The following TACC1 variants were observed in gnomAD, a reference collection of about 807,000 sequenced individuals.
TACC1 encodes the protein transforming acidic coiled-coil-containing protein 1.
Under a neutral mutation model 84.4 loss-of-function variants are expected in TACC1, and 48 were observed. That is an observed-to-expected ratio of 0.57 (90% CI 0.45 to 0.72). The LOEUF is 0.72. TACC1 is among the 30% of genes least tolerant of loss of function. TACC1 has a pLI of 0.00. For missense variants in TACC1, 920 were observed against 973.0 expected (o/e 0.95, Z 0.72); for synonymous variants, 372 against 376.3 (o/e 0.99, Z 0.13).
rs924425294 is a variant in TACC1, at chr8:38,831,348, C to T, written c.1713+171C>T. On this transcript the variant is annotated intron_variant, in intron 6 of 12. Transcript: ENST00000317827. Reference sequence around the variant, plus strand: ...ATAGTCTCTGCATTGTAACCCTAGCCGCAGGTAGCTGTGGAGCACTTGAAC... The same window carrying T: ...ATAGTCTCTGCATTGTAACCCTAGCTGCAGGTAGCTGTGGAGCACTTGAAC... 5.9e-5 allele frequency among the ~76,000 whole-genome samples: 9 copies of T among 152,126 alleles called. No homozygotes were observed. In the South Asian group the frequency reaches 6.2e-4, roughly 11 times the overall value.
chr8:38,745,805 A>G (rs2151709065), intron 3 of TACC1, among the ~76,000 whole-genome samples: 1 of 151,796 alleles, frequency 6.6e-6, no homozygotes, highest in South Asian at 2.1e-4. Flanking sequence ...CGGCCTCCCA[A>G]AGTGCTGGCA....
In TACC1 at chr8:38,841,492, G is replaced by T. The variant is rs531321417; in HGVS notation, c.1961-795G>T. On this transcript the variant is annotated intron_variant, in intron 9 of 12. Coordinates refer to ENST00000317827, the MANE Select transcript of TACC1 (RefSeq NM_006283.3). ...TCAGCTGAGAGCGTGCATATCAGGT[G>T]ACTAAAGCATTTTTGCACTCTGCAC... 2.6e-5 allele frequency among the ~76,000 whole-genome samples: 4 copies of T among 152,310 alleles called. No homozygotes were observed. In the South Asian group the frequency reaches 8.3e-4, roughly 32 times the overall value.
intron 3 of TACC1, among the ~76,000 whole-genome samples, chr8:38,756,067 G>T (rs1269625042): frequency 1.3e-5 from 2 of 151,976 alleles, no homozygotes; most frequent in Admixed American, 6.6e-5. Flanking sequence ...CACCCCCTAG[G>T]CCTCCCAAAG....
intron 2 of TACC1, among the ~76,000 whole-genome samples, chr8:38,796,875 C>G (rs182954180): frequency 6.6e-5 from 10 of 152,294 alleles, no homozygotes; most frequent in Non-Finnish European, 1.5e-4. Context: ...ACAAATTACT[C>G]CAAAACTGAA....
Position 38,819,703 on chromosome 8 carries a change from A to G in TACC1, c.459A>G (p.Ser153=). ...AAATTTCCATCGTGAGGCCATTTTC[A>G]ATAGAAACGAAGGATTCCACGGATA... ...FSKISIVRPF[S]IETKDSTDIS... Residue 153 remains serine (S), a synonymous_variant, in exon 3 of 13, where the codon TCA becomes TCG. Transcript: ENST00000317827. 1 of 1,614,216 alleles carries G rather than the reference A, an allele frequency of 6.2e-7. No individual in the cohort carries two copies. Among genetic ancestry groups the G allele is most frequent in the African/African-American group, 1.3e-5 (1 of 75,064 alleles).
intron 2 of TACC1, among the ~76,000 whole-genome samples, chr8:38,798,033 G>C (rs1820397897): frequency 6.6e-6 from 1 of 152,188 alleles, no homozygotes; most frequent in African/African-American, 2.4e-5. Context: ...TTGGCTTCCT[G>C]GTGGGTGGAC....
rs761964322 is a variant in TACC1, at chr8:38,827,296, A to G, written c.1581A>G (p.Pro527=). The G allele has an allele frequency of 1.2e-6, 2 of 1,614,254 alleles. No individual in the cohort carries two copies. Among genetic ancestry groups the G allele is most frequent in the Non-Finnish European group, 1.7e-6 (2 of 1,180,044 alleles). The stretch of plus-strand genomic sequence containing the variant: ...CTGGTGCCGAGGTGAAAGGTGAGCC[A>G]GAGGAAGACCTGGAGTACTTTGAAT... ...KSAGAEVKGE[P]EEDLEYFECS... Residue 527 remains proline (P), a synonymous_variant, in exon 5 of 13, where the codon CCA becomes CCG. Transcript: ENST00000317827.
chr8:38,826,451 A>T (rs968709934), intron 4 of TACC1, among the ~76,000 whole-genome samples: 5 of 152,252 alleles, frequency 3.3e-5, no homozygotes, highest in Admixed American at 2.0e-4. Flanking sequence ...TACTTATCAA[A>T]ACTTGCAATA....
chr8:38,837,559 G>A (rs1830473915), intron 7 of TACC1, among the ~76,000 whole-genome samples: 1 of 152,182 alleles, frequency 6.6e-6, no homozygotes, highest in Non-Finnish European at 1.5e-5. Context: ...CTGAGTAGCT[G>A]GGACTGCAAG....
chr8:38,817,919 TAAAA>T (rs60301511), intron 2 of TACC1, among the ~76,000 whole-genome samples: 1 of 47,820 alleles, frequency 2.1e-5, no homozygotes, highest in Admixed American at 2.6e-4. Context: ...GAGAGACCCC[TAAAA>T]AAAAAAAAAA....
At chr8:38,825,494 C>A in intron 4 of TACC1, 126 bp downstream of exon 4, 2 of 924,948 alleles carry the variant, frequency 2.2e-6, no homozygotes, top group South Asian at 1.4e-5. Flanking sequence ...CTTTAAGAAG[C>A]CAATTTCCAG....
intron 2 of TACC1, among the ~76,000 whole-genome samples, chr8:38,800,814 G>A (rs1389821919): frequency 6.6e-6 from 1 of 152,114 alleles, no homozygotes; most frequent in African/African-American, 2.4e-5. Flanking sequence ...AACATTTTGA[G>A]GTACTGCCAA....
chr8:38,837,431 TAAAAA>T (rs1379055088), intron 7 of TACC1, among the ~76,000 whole-genome samples: 18 of 151,372 alleles, frequency 1.2e-4, no homozygotes. Flanking sequence ...CTCAGAAAAA[TAAAAA>T]TAAAATAAAA....
chr8:38,747,552 A>C (rs1435829413), intron 3 of TACC1, among the ~76,000 whole-genome samples: 1 of 152,246 alleles, frequency 6.6e-6, no homozygotes, highest in Non-Finnish European at 1.5e-5. Flanking sequence ...CCATGAAGAC[A>C]TGGAGGAATG....
chr8:38,819,783 G>A lies in TACC1; in HGVS notation c.539G>A (p.Gly180Asp). Residue 180 changes from glycine (G) to aspartate (D), a missense_variant, in exon 3 of 13, where the codon GGC (glycine) becomes GAC (aspartate). Physicochemically the swap from Gly to Asp is moderately conservative, Grantham distance 94 (BLOSUM62 -1). Around this residue, in one of 2 missense-constraint regions of TACC1, gnomAD observed 762 missense variants for 747.3 expected, o/e 1.02. Coordinates refer to ENST00000317827, the MANE Select transcript of TACC1 (RefSeq NM_006283.3). ...CATGGCTGTGTAACTGCAGTCTCAG[G>A]CAAGGCTCTGCCTTCCAGCCCGCCA... ...AAHGCVTAVSGKALPSSPPDA... is the reference protein window; with the variant it reads ...AAHGCVTAVSDKALPSSPPDA... 1 of 1,613,960 alleles carries A rather than the reference G, an allele frequency of 6.2e-7. No individual in the cohort carries two copies. Among genetic ancestry groups the A allele is most frequent in the Non-Finnish European group, 8.5e-7 (1 of 1,180,040 alleles).
At chr8:38,826,493 G>A (rs1240508030) in intron 4 of TACC1, among the ~76,000 whole-genome samples, 1 of 152,162 alleles carries the variant, frequency 6.6e-6, no homozygotes. Context: ...TAATAAATGT[G>A]ATAAGTCTCC....
intron 3 of TACC1, among the ~76,000 whole-genome samples, chr8:38,824,927 A>C (rs539468893): frequency 5.3e-5 from 8 of 152,226 alleles, no homozygotes; most frequent in Non-Finnish European, 1.0e-4. Context: ...TTTTCTAATG[A>C]ATGTCAAAGC....
At chr8:38,762,351 C>T (rs1811370113) in intron 3 of TACC1, among the ~76,000 whole-genome samples, 1 of 152,200 alleles carries the variant, frequency 6.6e-6, no homozygotes, top group Non-Finnish European at 1.5e-5. Context: ...ACTGTAGGTA[C>T]CTCATGTAAG....
At chr8:38,825,406 AG>A in intron 4 of TACC1, 38 bp downstream of exon 4, 1 of 1,612,002 alleles carries the variant, frequency 6.2e-7, no homozygotes, top group East Asian at 2.2e-5. Context: ...CTCTGAGACC[AG>A]GGGTCCTCCA....
Sources: allele counts gnomAD v4.1 joint callset (sites outside exome capture counted in the v4.1 genomes callset), GRCh38; gene constraint gnomAD v4.1.1; regional missense constraint gnomAD v4.1.1; transcripts MANE v1.5; gene names NCBI Gene and HGNC (gene_info 2026-07-23, HGNC 2026-07-21).